The following FAM228B variants were observed in gnomAD, a reference collection of about 807,000 sequenced individuals.
FAM228B encodes the protein protein FAM228B.
In FAM228B, 38 loss-of-function variants were observed where a neutral mutation model predicts 42.6. That is an observed-to-expected ratio of 0.89 (90% confidence interval 0.69 to 1.17). FAM228B has a LOEUF of 1.17. FAM228B is among the 50% of genes most tolerant of loss of function. FAM228B has a pLI of 0.00. For missense variants in FAM228B, 344 were observed against 367.3 expected, an observed-to-expected ratio of 0.94 and a Z score of 0.52; for synonymous variants, 109 against 122.3, an observed-to-expected ratio of 0.89 and a Z score of 0.72.
chr2:24,115,781 T>C (rs1177719982), intron 3 of FAM228B, among the ~76,000 whole-genome samples: 1 of 152,142 alleles, frequency 6.6e-6, no homozygotes, highest in Non-Finnish European at 1.5e-5. Flanking sequence ...ACACAGTTCC[T>C]GCCCTCATGG....
At chr2:24,125,592 G>A (rs1335143863) in intron 2 of FAM228B, among the ~76,000 whole-genome samples, 1 of 136,774 alleles carries the variant, frequency 7.3e-6, no homozygotes, top group Non-Finnish European at 1.6e-5. Context: ...TCTTTCTTTC[G>A]CTCTATCACT....
rs182322477 is a variant in FAM228B at position 24,080,412 on chromosome 2, T to G, written c.-289-464T>G. 1.3e-3 allele frequency among the ~76,000 whole-genome samples: 190 copies of G among 151,304 alleles called. 3 individuals are homozygous for G. The highest frequency in any genetic ancestry group is 3.5e-4 in the Non-Finnish European group (24 of 67,906). On this transcript the variant is annotated intron_variant, in intron 1 of 10. Transcript: ENST00000613899. The surrounding 1 kb of genome is among the most constrained non-coding windows in gnomAD (Gnocchi z 4.7). ...TGAGCCAAAAATAGACACGTCTGGCTTTGGAATACAGAGGTGTGCACATCT... is the reference window on the plus strand; with the variant it reads ...TGAGCCAAAAATAGACACGTCTGGCGTTGGAATACAGAGGTGTGCACATCT...
In FAM228B at chr2:24,082,968, G is replaced by A. The variant is rs2150986462; in HGVS notation, c.-210+2013G>A. ...GGTCAGGGTCAATCCCTCTGGGATAGGCATGAGGAGCCCTTCGGGGACAGT... is the reference window on the plus strand; with the variant it reads ...GGTCAGGGTCAATCCCTCTGGGATAAGCATGAGGAGCCCTTCGGGGACAGT... On this transcript the variant is annotated intron_variant, in intron 2 of 10. Coordinates refer to the FAM228B transcript ENST00000613899. 1 of 1,614,180 alleles carries A rather than the reference G, an allele frequency of 6.2e-7. No individual in the cohort carries two copies. Among genetic ancestry groups the A allele is most frequent in the South Asian group, 1.1e-5 (1 of 91,080 alleles).
At chr2:24,107,889 C>G (rs1224813129) in intron 3 of FAM228B, among the ~76,000 whole-genome samples, 3 of 151,982 alleles carry the variant, frequency 2.0e-5, no homozygotes, top group African/African-American at 7.2e-5. Flanking sequence ...GCAAACCAAC[C>G]CCAAAGCTAT....
At position 24,084,633 on chromosome 2, in the gene FAM228B, G is replaced by A. The variant is rs897460880; in HGVS notation, c.-210+3678G>A. On this transcript the variant is annotated intron_variant, in intron 2 of 10. Transcript: ENST00000613899. This position sits in a 1 kb window ranked among gnomAD's most constrained non-coding sequence, Gnocchi z 8.4. ...GCGGTACAGGGCTGGATGCGGCAGA[G>A]CAGGACAACGCCGAAGAGGATCAGG... 1 of 309,028 alleles carries A rather than the reference G, an allele frequency of 3.2e-6. No individual in the cohort carries two copies. The highest frequency in any genetic ancestry group is 2.2e-5 in the African/African-American group (1 of 45,942). 19.1% of individuals were successfully genotyped at this position (309,028 alleles called of 1,614,324 possible).
intron 2 of FAM228B, among the ~76,000 whole-genome samples, chr2:24,087,681 G>A (rs1024276540): frequency 1.3e-5 from 2 of 151,806 alleles, no homozygotes; most frequent in Non-Finnish European, 2.9e-5. Flanking sequence ...CCTGACCTCA[G>A]TTCACTGCAA....
chr2:24,158,196 C>T (rs1007211514), intron 7 of FAM228B, among the ~76,000 whole-genome samples: 6 of 53,202 alleles, frequency 1.1e-4, no homozygotes, highest in East Asian at 1.2e-3. Flanking sequence ...TCTGAACCTC[C>T]TTTTTTTTTT....
intron 2 of FAM228B, among the ~76,000 whole-genome samples, chr2:24,127,388 T>C (rs1327260973): frequency 6.6e-6 from 1 of 152,226 alleles, no homozygotes; most frequent in Non-Finnish European, 1.5e-5. Context: ...CTGTTATGAA[T>C]AATGCTGCTA....
At chr2:24,121,389 G>A, upstream of FAM228B, 1 of 1,276,774 alleles carries the variant, frequency 7.8e-7, no homozygotes, top group Non-Finnish European at 1.1e-6. Flanking sequence ...TTTATGGCCT[G>A]CAAGCTAAGA....
At chr2:24,094,861 G>C (rs1171373509) in intron 2 of FAM228B, among the ~76,000 whole-genome samples, 1 of 152,146 alleles carries the variant, frequency 6.6e-6, no homozygotes, top group Non-Finnish European at 1.5e-5. Context: ...AGGAGGCCGA[G>C]GTGCGCAGAT....
chr2:24,167,547 G>T, intron 9 of FAM228B, 80 bp from the exon 10 acceptor site: 1 of 1,530,382 alleles, frequency 6.5e-7, no homozygotes, highest in Non-Finnish European at 8.9e-7. Flanking sequence ...ACAGCCTCTG[G>T]TTATGAAGAC....
chr2:24,111,569 T>C (rs969117140), intron 3 of FAM228B, among the ~76,000 whole-genome samples: 2 of 152,050 alleles, frequency 1.3e-5, no homozygotes, highest in Admixed American at 6.6e-5. Context: ...TCTTTTGGAG[T>C]TGTGGCTAGA....
intron 5 of FAM228B, chr2:24,142,774 TTTTGGAAA>T (rs1666787862): frequency 6.6e-6 from 1 of 152,234 alleles, no homozygotes. Flanking sequence ...ACATTTGGAA[TTTTGGAAA>T]ACTCATATTC....
intron 2 of FAM228B, among the ~76,000 whole-genome samples, chr2:24,089,976 G>GAAAAAAAAAAAAAA (rs33915915): frequency 7.7e-6 from 1 of 130,556 alleles, no homozygotes; most frequent in Admixed American, 8.1e-5. Flanking sequence ...TAAAAAAAAA[G>GAAAAAAAAAAAAAA]AAAAAAAAAA....
chr2:24,086,625 C>T (rs907840013), intron 2 of FAM228B, among the ~76,000 whole-genome samples: 3 of 151,922 alleles, frequency 2.0e-5, no homozygotes, highest in African/African-American at 4.8e-5. Flanking sequence ...CTCAGCCTCC[C>T]AAAGTGCTAG....
At chr2:24,129,243 G>A (rs187599971) in intron 2 of FAM228B, among the ~76,000 whole-genome samples, 12 of 151,844 alleles carry the variant, frequency 7.9e-5, no homozygotes, top group African/African-American at 2.7e-4. Flanking sequence ...TATTTCTCAG[G>A]GGCCACTGTT....
chr2:24,080,933 G>C lies in FAM228B; in HGVS notation c.-232G>C, dbSNP rs761600704. On this transcript the variant is annotated 5_prime_UTR_variant, in exon 2 of 11. Transcript: ENST00000613899. This position sits in a 1 kb window ranked among gnomAD's most constrained non-coding sequence, Gnocchi z 4.7. Reference sequence around the variant, plus strand: ...TTCTTCTGGGAGCCAGCTGTGACCAGAGGAATAGCTCCAGCCATCCGGGTG... The same window carrying C: ...TTCTTCTGGGAGCCAGCTGTGACCACAGGAATAGCTCCAGCCATCCGGGTG... The C allele has an allele frequency of 6.2e-7, 1 of 1,614,214 alleles. No individual in the cohort carries two copies.
At chr2:24,166,245 C>T (rs1667410425) in intron 9 of FAM228B, among the ~76,000 whole-genome samples, 1 of 151,784 alleles carries the variant, frequency 6.6e-6, no homozygotes, top group Non-Finnish European at 1.5e-5. Flanking sequence ...TGTCCAGAGT[C>T]AGCCTCTTAG....
chr2:24,112,451 C>T (rs1235711226), intron 3 of FAM228B, among the ~76,000 whole-genome samples: 1 of 152,058 alleles, frequency 6.6e-6, no homozygotes, highest in Non-Finnish European at 1.5e-5. Flanking sequence ...CAGGCACCTG[C>T]TATGACGCCC....
Sources: allele counts gnomAD v4.1 joint callset (sites outside exome capture counted in the v4.1 genomes callset), GRCh38; gene constraint gnomAD v4.1.1; non-coding constraint Gnocchi (gnomAD v3.1); transcripts MANE v1.5; gene names NCBI Gene and HGNC (gene_info 2026-07-23, HGNC 2026-07-21).